Variants in PLCB4 observed in about 807,000 individuals in gnomAD.
PLCB4 encodes the protein 1-phosphatidylinositol 4,5-bisphosphate phosphodiesterase beta-4.
Under a neutral mutation model 178.8 loss-of-function variants are expected in PLCB4, and 77 were observed. The observed-to-expected ratio is 0.43, with a 90% CI of 0.36 to 0.52. The LOEUF is 0.52. PLCB4 is among the 20% of genes least tolerant of loss of function. The pLI, the probability that PLCB4 is intolerant of heterozygous loss-of-function variation, is 0.00. For missense variants in PLCB4, 1,024 were observed against 1,453.4 expected (o/e 0.70, Z 4.80); for synonymous variants, 496 against 490.8 (o/e 1.01, Z -0.14).
At position 9,192,671 on chromosome 20, in the gene PLCB4, T is replaced by C. The variant is rs566773989; in HGVS notation, c.-78-24719T>C. Among the ~76,000 whole-genome samples the C allele has an allele frequency of 7.4e-4, 113 of 151,776 alleles. 2 individuals carry two copies. In the South Asian group the frequency reaches 8.4e-3, roughly 11 times the overall value. ...TACAAAAACAAACAAAAAAATTAGCTGGGCATGGTGGTGCACACCTTTAGT... is the reference window on the plus strand; with the variant it reads ...TACAAAAACAAACAAAAAAATTAGCCGGGCATGGTGGTGCACACCTTTAGT... On this transcript the variant is annotated intron_variant, in intron 2 of 39. Transcript: ENST00000378473.
chr20:9,444,768 A>C (rs1444691029), intron 32 of PLCB4, among the ~76,000 whole-genome samples: 1 of 152,190 alleles, frequency 6.6e-6, no homozygotes, highest in African/African-American at 2.4e-5. Flanking sequence ...TCTCAAAAAA[A>C]AAGAAAAATT....
At chr20:9,335,316 T>G (rs940526731) in intron 4 of PLCB4, among the ~76,000 whole-genome samples, 1 of 152,150 alleles carries the variant, frequency 6.6e-6, no homozygotes, top group African/African-American at 2.4e-5. Flanking sequence ...ACAACTCTTC[T>G]ATACATGTCC....
At chr20:9,236,995 G>T (rs955666140) in intron 3 of PLCB4, among the ~76,000 whole-genome samples, 1 of 151,992 alleles carries the variant, frequency 6.6e-6, no homozygotes, top group South Asian at 2.1e-4. Context: ...TTATCTAAAT[G>T]ATACCTTCAT....
intron 2 of PLCB4, among the ~76,000 whole-genome samples, chr20:9,199,357 C>T (rs1460898322): frequency 6.6e-6 from 1 of 152,166 alleles, no homozygotes; most frequent in Non-Finnish European, 1.5e-5. Flanking sequence ...TTCATTTATT[C>T]ATTCAATAAG....
intron 24 of PLCB4, among the ~76,000 whole-genome samples, chr20:9,410,750 C>T (rs1022203006): frequency 1.3e-5 from 2 of 152,248 alleles, no homozygotes; most frequent in Non-Finnish European, 2.9e-5. Flanking sequence ...TATCTCTACT[C>T]TCAATACTCA....
chr20:9,318,624 TATC>T (rs1260726633), intron 4 of PLCB4, among the ~76,000 whole-genome samples: 2 of 152,218 alleles, frequency 1.3e-5, no homozygotes, highest in African/African-American at 4.8e-5. Flanking sequence ...CAATGCCTGT[TATC>T]ATTTAAACTG....
intron 2 of PLCB4, among the ~76,000 whole-genome samples, chr20:9,107,691 A>T (rs1454794066): frequency 1.3e-5 from 2 of 151,874 alleles, no homozygotes; most frequent in African/African-American, 4.8e-5. Flanking sequence ...TTCTGTGTGG[A>T]CTTCGACTCC....
intron 3 of PLCB4, among the ~76,000 whole-genome samples, chr20:9,278,064 T>G (rs1009854320): frequency 6.6e-6 from 1 of 151,960 alleles, no homozygotes; most frequent in Non-Finnish European, 1.5e-5. Context: ...TCATGTTGCT[T>G]TCTTAGAGAT....
At chr20:9,134,521 C>T (rs558859407) in intron 2 of PLCB4, among the ~76,000 whole-genome samples, 2 of 152,092 alleles carry the variant, frequency 1.3e-5, no homozygotes, top group East Asian at 1.9e-4. Context: ...GCAGCTGACC[C>T]GTCTTCATGT....
intron 30 of PLCB4, among the ~76,000 whole-genome samples, chr20:9,437,498 A>C (rs1000557348): frequency 6.6e-6 from 1 of 152,228 alleles, no homozygotes; most frequent in Non-Finnish European, 1.5e-5. Context: ...GATGAAACAA[A>C]AGATCATTAA....
At chr20:9,363,867 G>A (rs1568657657) in intron 8 of PLCB4, among the ~76,000 whole-genome samples, 1 of 152,212 alleles carries the variant, frequency 6.6e-6, no homozygotes, top group Non-Finnish European at 1.5e-5. Context: ...TTGGCAATGG[G>A]CCAAGAGGTT....
intron 3 of PLCB4, among the ~76,000 whole-genome samples, chr20:9,232,222 T>C (rs2093940839): frequency 1.3e-5 from 2 of 152,166 alleles, no homozygotes; most frequent in African/African-American, 4.8e-5. Context: ...AGGCCTCTAA[T>C]ATCTTGATTG....
intron 2 of PLCB4, among the ~76,000 whole-genome samples, chr20:9,188,885 G>T (rs2093364906): frequency 1.2e-5 from 1 of 81,878 alleles, no homozygotes; most frequent in Admixed American, 1.3e-4. Flanking sequence ...TTGGTTAATT[G>T]TTCATTGTGG....
intron 3 of PLCB4, among the ~76,000 whole-genome samples, chr20:9,269,557 G>A (rs1414387061): frequency 6.6e-6 from 1 of 152,070 alleles, no homozygotes; most frequent in Non-Finnish European, 1.5e-5. Flanking sequence ...GTTTCACTTT[G>A]GCTATATTTT....
At chr20:9,088,178 CTTTTTT>C (rs10554943) in intron 1 of PLCB4, among the ~76,000 whole-genome samples, 36 of 99,194 alleles carry the variant, frequency 3.6e-4, no homozygotes, top group African/African-American at 9.8e-4. Context: ...CTTTTCTTTT[CTTTTTT>C]TTTTTTTTTT....
chr20:9,335,090 A>G (rs2032260702), intron 4 of PLCB4, among the ~76,000 whole-genome samples: 1 of 152,150 alleles, frequency 6.6e-6, no homozygotes, highest in Admixed American at 6.6e-5. Context: ...TCTACTCTGT[A>G]AACACCATTT....
rs538951734 is a variant in PLCB4 at position 9,245,826 on chromosome 20, G to T, written c.-16+28374G>T. Among the ~76,000 whole-genome samples the T allele has an allele frequency of 2.8e-4, 43 of 152,058 alleles. 1 individual carries two copies. The highest frequency in any genetic ancestry group is 2.3e-3 in the Admixed American group (35 of 15,276). Reference sequence around the variant, plus strand: ...TTTTTGTATTTTTAGTAAAGACAGGGTTTCACTATATTGGCCAGGCTGGTC... The same window carrying T: ...TTTTTGTATTTTTAGTAAAGACAGGTTTTCACTATATTGGCCAGGCTGGTC... On this transcript the variant is annotated intron_variant, in intron 3 of 39. Transcript: ENST00000378473.
At chr20:9,153,552 T>C (rs962042551) in intron 2 of PLCB4, among the ~76,000 whole-genome samples, 24 of 152,220 alleles carry the variant, frequency 1.6e-4, no homozygotes, top group Non-Finnish European at 3.2e-4. Context: ...TCCCTAACCA[T>C]GTGGAACTGT....
At chr20:9,073,319 C>T (rs1159136092) in intron 1 of PLCB4, among the ~76,000 whole-genome samples, 1 of 152,172 alleles carries the variant, frequency 6.6e-6, no homozygotes, top group Non-Finnish European at 1.5e-5. Flanking sequence ...CCTTTCTTCT[C>T]TAGAACAGGA....
Sources: gnomAD v4.1 joint callset for allele counts (sites outside exome capture counted in the v4.1 genomes callset) on GRCh38, gnomAD v4.1.1 for gene constraint, MANE v1.5 for transcripts, NCBI Gene and HGNC (gene_info 2026-07-23, HGNC 2026-07-21) for gene names.